Variants in SLC35D2 observed in about 807,000 individuals in gnomAD.
The protein encoded by SLC35D2 is nucleotide sugar transporter SLC35D2.
SLC35D2 carries 43 observed loss-of-function variants against 41.8 expected under a neutral mutation model. That is an observed-to-expected ratio of 1.03 (90% confidence interval 0.81 to 1.33). The LOEUF (loss-of-function observed/expected upper bound fraction) is 1.33. Among genes scored for constraint, SLC35D2 ranks in the 40% most tolerant of loss-of-function variants. The pLI is 0.00. For synonymous variants in SLC35D2, 150 were observed against 163.9 expected, an observed-to-expected ratio of 0.92 and a Z score of 0.65; for missense variants, 380 against 408.4, an observed-to-expected ratio of 0.93 and a Z score of 0.60.
In SLC35D2 at chr9:96,313,464, T is replaced by C. The variant is rs79506228; in HGVS notation, c.*2471A>G. Among the ~76,000 whole-genome samples the C allele has an allele frequency of 9.1e-4, 138 of 152,324 alleles. 6 individuals are homozygous for C. In the East Asian group the frequency reaches 0.02, roughly 22 times the overall value. On this transcript the variant is annotated 3_prime_UTR_variant and NMD_transcript_variant, in exon 12 of 12. Coordinates refer to the SLC35D2 transcript ENST00000650065. ...AAGCCTCAGTGTTCAGAGTTTTTAT[T>C]AGGGCTTCATTACATAAACTTCACT...
chr9:96,324,093 T>C lies in SLC35D2; in HGVS notation c.829A>G (p.Lys277Glu). 1 of 1,613,230 alleles carries C rather than the reference T, an allele frequency of 6.2e-7. No individual in the cohort carries two copies. The highest frequency in any genetic ancestry group is 2.2e-5 in the East Asian group (1 of 44,860). The change falls in exon 10 of 12, where the codon AAG becomes GAG. Residue 277 changes from lysine to glutamate, a missense_variant and splice_region_variant. Coordinates refer to ENST00000253270, the MANE Select transcript of SLC35D2 (RefSeq NM_007001.3). ...CTTCCAAGTTTCCATCCACTCACCT[T>C]GATGGCTCCAACCACTGCTGTCGTC... ...ALTTAVVGAI[K>E]NVSVAYIGIL...
At chr9:96,383,355 G>A in intron 1 of SLC35D2, 122 bp downstream of exon 1, 2 of 630,338 alleles carry the variant, frequency 3.2e-6, no homozygotes, top group Non-Finnish European at 4.8e-6. Context: ...CGACCAATGT[G>A]CCCAGCTGAG....
At chr9:96,338,555 CAAA>C (rs58788876) in intron 8 of SLC35D2, among the ~76,000 whole-genome samples, 6 of 115,766 alleles carry the variant, frequency 5.2e-5, no homozygotes, top group African/African-American at 3.0e-5. Context: ...GACCCTGTCT[CAAA>C]AAAAAAAAAA....
intron 10 of SLC35D2, 113 bp from the exon 11 acceptor site, chr9:96,322,193 A>G: frequency 1.5e-6 from 1 of 673,922 alleles, no homozygotes; most frequent in South Asian, 2.0e-5. Flanking sequence ...AGACTTGTAC[A>G]TAGGGATATT....
chr9:96,319,908 T>C (rs1828148588), downstream of SLC35D2, among the ~76,000 whole-genome samples: 1 of 152,202 alleles, frequency 6.6e-6, no homozygotes, highest in Non-Finnish European at 1.5e-5. Context: ...TCTAGTTGAA[T>C]TTTACAGATT....
At chr9:96,338,116 G>A (rs1829136621) in intron 8 of SLC35D2, among the ~76,000 whole-genome samples, 1 of 151,844 alleles carries the variant, frequency 6.6e-6, no homozygotes, top group Non-Finnish European at 1.5e-5. Flanking sequence ...GCCCCTGCCT[G>A]TATCCAAAAA....
chr9:96,377,309 A>C (rs549719560), intron 1 of SLC35D2, among the ~76,000 whole-genome samples: 56 of 152,288 alleles, frequency 3.7e-4, no homozygotes, highest in African/African-American at 1.3e-3. Flanking sequence ...AATTCTCTGC[A>C]AGCCCAACTG....
chr9:96,380,108 G>C (rs1189649001), intron 1 of SLC35D2, among the ~76,000 whole-genome samples: 1 of 152,136 alleles, frequency 6.6e-6, no homozygotes, highest in Non-Finnish European at 1.5e-5. Context: ...TGTTGGTCAG[G>C]CTGGTCTCAA....
intron 10 of SLC35D2, among the ~76,000 whole-genome samples, chr9:96,322,363 T>G (rs1587825851): frequency 6.6e-6 from 1 of 151,822 alleles, no homozygotes; most frequent in East Asian, 1.9e-4. Flanking sequence ...TACAAAAAAT[T>G]TTTTAAAAGT....
At chr9:96,367,228 A>G (rs1769514713) in intron 2 of SLC35D2, among the ~76,000 whole-genome samples, 1 of 151,822 alleles carries the variant, frequency 6.6e-6, no homozygotes, top group Non-Finnish European at 1.5e-5. Flanking sequence ...ACAAAAAAAA[A>G]AAAAAAAAAA....
At chr9:96,353,798 C>A (rs145904944) in intron 4 of SLC35D2, among the ~76,000 whole-genome samples, 1 of 152,208 alleles carries the variant, frequency 6.6e-6, no homozygotes, top group Non-Finnish European at 1.5e-5. Context: ...TGCAGCTCAG[C>A]GCATAGTCAA....
At chr9:96,361,403 G>C (rs1830273842) in intron 3 of SLC35D2, among the ~76,000 whole-genome samples, 1 of 152,144 alleles carries the variant, frequency 6.6e-6, no homozygotes, top group African/African-American at 2.4e-5. Context: ...ATGAAGAGAA[G>C]AGGCCAGGCA....
intron 1 of SLC35D2, among the ~76,000 whole-genome samples, chr9:96,371,482 A>AAAAAAAAAAAAAAAC (rs1830678454): frequency 1.3e-5 from 1 of 76,416 alleles, no homozygotes; most frequent in Non-Finnish European, 2.8e-5. Flanking sequence ...CTCAAAAAAA[A>AAAAAAAAAAAAAAAC]AAAAAAAAAA....
At chr9:96,313,789 G>A (rs1296218760) in exon 12 of SLC35D2, among the ~76,000 whole-genome samples, 1 of 152,198 alleles carries the variant, frequency 6.6e-6, no homozygotes, top group Non-Finnish European at 1.5e-5. Context: ...GCTGGACAGG[G>A]TGGTAGCCTC....
chr9:96,326,656 T>A (rs2130845499), intron 9 of SLC35D2, among the ~76,000 whole-genome samples: 1 of 151,852 alleles, frequency 6.6e-6, no homozygotes, highest in African/African-American at 2.4e-5. Flanking sequence ...ACAAAAAAAA[T>A]TAGCCAGGCA....
Position 96,335,703 on chromosome 9 carries a change from G to A in SLC35D2, c.752+1014C>T, listed in dbSNP as rs1161727279. Among the ~76,000 whole-genome samples the A allele has an allele frequency of 3.3e-5, 5 of 152,164 alleles. No homozygotes were observed. The East Asian group carries it at 9.7e-4, about 29-fold the overall frequency. On this transcript the variant is annotated intron_variant, in intron 9 of 11. Transcript: ENST00000253270. ...CAAAGGGATTTTCAAGTCTTTAGAA[G>A]ACTGAAATAGACACAAACTATATGG...
chr9:96,374,794 C>T (rs1210039809), intron 1 of SLC35D2, among the ~76,000 whole-genome samples: 1 of 146,012 alleles, frequency 6.8e-6, no homozygotes, highest in Non-Finnish European at 1.5e-5. Flanking sequence ...GCCAAGATCA[C>T]GCCACTGCAC....
chr9:96,330,634 A>G (rs1192334995), intron 9 of SLC35D2, among the ~76,000 whole-genome samples: 1 of 152,136 alleles, frequency 6.6e-6, no homozygotes, highest in East Asian at 1.9e-4. Context: ...TTGAAGTTAG[A>G]TCTTTTGGGG....
rs143460333 is a variant in SLC35D2, at chr9:96,341,150, G to A, written c.684+2754C>T. 5.6e-3 allele frequency among the ~76,000 whole-genome samples: 845 copies of A among 152,234 alleles called. 12 individuals are homozygous for A. Among genetic ancestry groups the A allele is most frequent in the African/African-American group, 0.019 (802 of 41,524 alleles). On this transcript the variant is annotated intron_variant, in intron 8 of 11. Coordinates refer to ENST00000253270, the MANE Select transcript of SLC35D2 (RefSeq NM_007001.3). ...AAAAATACAAAAATTAGCTGGGTGT[G>A]GTGGTGCGCTCCTGTAATGCCAGCT... is the stretch of plus-strand genomic sequence containing the variant.
Sources: gnomAD v4.1 joint callset for allele counts (sites outside exome capture counted in the v4.1 genomes callset) on GRCh38, gnomAD v4.1.1 for gene constraint, MANE v1.5 for transcripts, NCBI Gene and HGNC (gene_info 2026-07-23, HGNC 2026-07-21) for gene names.